Variants in PCDHB4 observed in about 807,000 individuals in gnomAD.
The protein encoded by PCDHB4 is protocadherin beta-4.
For missense variants in PCDHB4, 1,063 were observed against 1,007.0 expected (o/e 1.06, Z -0.75); for synonymous variants, 482 against 447.3 (o/e 1.08, Z -0.98).
Position 141,123,553 on chromosome 5 carries a change from G to C in PCDHB4, c.1555G>C (p.Asp519His). 1.2e-6 allele frequency: 2 copies of C among 1,613,060 alleles called. No homozygotes were observed. The highest frequency in any genetic ancestry group is 1.7e-6 in the Non-Finnish European group (2 of 1,179,910). Residue 519 changes from aspartate (D) to histidine (H), a missense_variant, in exon 1 of 1, where the codon GAC becomes CAC. Transcript: ENST00000194152. ...NGHLFALRSL[D>H]YEALQAFEFR... ...CCACCTGTTCGCCCTCAGGTCGCTG[G>C]ACTACGAGGCCCTGCAGGCGTTCGA...
In PCDHB4 at chr5:141,123,763, G is replaced by A. The variant is rs1390342500; in HGVS notation, c.1765G>A (p.Val589Met). ...AEPGYLVTKV[V>M]AVDGDSGQNA... Reference sequence around the variant, plus strand: ...GCCGGGCTACCTGGTGACCAAGGTGGTGGCGGTGGACGGCGACTCGGGCCA... The same window carrying A: ...GCCGGGCTACCTGGTGACCAAGGTGATGGCGGTGGACGGCGACTCGGGCCA... The change falls in exon 1 of 1, where the codon GTG becomes ATG. Residue 589 changes from valine to methionine, a missense_variant. Transcript: ENST00000194152. The A allele has an allele frequency of 8.7e-6, 14 of 1,610,328 alleles. No individual in the cohort carries two copies. In the Admixed American group the frequency reaches 1.3e-4, roughly 15 times the overall value.
Position 141,123,061 on chromosome 5 carries a change from A to C in PCDHB4, c.1063A>C (p.Ile355Leu). The C allele has an allele frequency of 6.2e-7, 1 of 1,613,754 alleles. No individual in the cohort carries two copies. The highest frequency in any genetic ancestry group is 2.2e-5 in the East Asian group (1 of 44,872). The stretch of plus-strand genomic sequence containing the variant: ...TATCATATCTTCACTCACCAGCTCC[A>C]TCCCAGAAAATGCTCCTGAGACGGT... ...ELIISSLTSS[I>L]PENAPETVVS... Residue 355 changes from isoleucine (I) to leucine (L), a missense_variant, in exon 1 of 1, where the codon ATC (isoleucine) becomes CTC (leucine). By Grantham distance (5) the Ile-to-Leu change is conservative (BLOSUM62 2). Coordinates refer to ENST00000194152, the MANE Select transcript of PCDHB4 (RefSeq NM_018938.4).
chr5:141,123,418 G>A lies in PCDHB4; in HGVS notation c.1420G>A (p.Ala474Thr), dbSNP rs143503359. 1 of 1,613,244 alleles carries A rather than the reference G, an allele frequency of 6.2e-7. No individual in the cohort carries two copies. Among genetic ancestry groups the A allele is most frequent in the African/African-American group, 1.3e-5 (1 of 75,002 alleles). ...CGCCCTGCACATCGGCAGTGTCAGCGCCACAGACAGAGACTCGGGCACCAA... is the reference window on the plus strand; with the variant it reads ...CGCCCTGCACATCGGCAGTGTCAGCACCACAGACAGAGACTCGGGCACCAA... ...SPALHIGSVS[A>T]TDRDSGTNAQ... Residue 474 changes from alanine (A) to threonine (T), a missense_variant, in exon 1 of 1, where the codon GCC becomes ACC. Coordinates refer to ENST00000194152, the MANE Select transcript of PCDHB4 (RefSeq NM_018938.4).
chr5:141,123,418 G>T lies in PCDHB4; in HGVS notation c.1420G>T (p.Ala474Ser), dbSNP rs143503359. The change falls in exon 1 of 1, where the codon GCC becomes TCC. Residue 474 changes from alanine to serine, a missense_variant. Physicochemically the swap from Ala to Ser is moderately conservative, Grantham distance 99. Transcript: ENST00000194152. ...CGCCCTGCACATCGGCAGTGTCAGCGCCACAGACAGAGACTCGGGCACCAA... is the reference window on the plus strand; with the variant it reads ...CGCCCTGCACATCGGCAGTGTCAGCTCCACAGACAGAGACTCGGGCACCAA... ...SPALHIGSVS[A>S]TDRDSGTNAQ... The T allele has an allele frequency of 3.2e-5, 51 of 1,613,126 alleles. No individual in the cohort carries two copies. The highest frequency in any genetic ancestry group is 4.2e-5 in the Non-Finnish European group (50 of 1,180,036).
Position 141,122,440 on chromosome 5 carries a change from G to A in PCDHB4, c.442G>A (p.Gly148Ser). The A allele has an allele frequency of 3.1e-6, 5 of 1,614,210 alleles. No homozygotes were observed. Among genetic ancestry groups the A allele is most frequent in the Non-Finnish European group, 4.2e-6 (5 of 1,180,036 alleles). ...GAAAATACTAGAAAATAGCCAGCCG[G>A]GTACTCTATTTCCGTTGCTAATAGC... ...LLKILENSQP[G>S]TLFPLLIAED... is the part of the protein sequence containing the mutation. The change falls in exon 1 of 1, where the codon GGT (glycine) becomes AGT (serine). Residue 148 changes from glycine to serine, a missense_variant. Coordinates refer to ENST00000194152, the MANE Select transcript of PCDHB4 (RefSeq NM_018938.4).
rs246669 is a variant in PCDHB4 at position 141,123,655 on chromosome 5, A to G, written c.1657A>G (p.Thr553Ala). 0.25 allele frequency: 394,778 copies of G among 1,609,884 alleles called. 49,466 individuals carry two copies. The highest frequency in any genetic ancestry group is 0.33 in the Middle Eastern group (1,464 of 4,472). The change falls in exon 1 of 1, where the codon ACC becomes GCC. Residue 553 changes from threonine to alanine, a missense_variant. By Grantham distance (58) the Thr-to-Ala change is moderately conservative. Coordinates refer to ENST00000194152, the MANE Select transcript of PCDHB4 (RefSeq NM_018938.4). ...GCTGGTGCGCGTGCTGGTGCTGGACACCAACGACAACTCGCCCTTCGTGCT... is the reference window on the plus strand; with the variant it reads ...GCTGGTGCGCGTGCTGGTGCTGGACGCCAACGACAACTCGCCCTTCGTGCT... ...EALVRVLVLD[T>A]NDNSPFVLYP... is the part of the protein sequence containing the mutation.
rs181883760 is a variant in PCDHB4 at position 141,123,831 on chromosome 5, T to C, written c.1833T>C (p.Pro611=). 1.8e-3 allele frequency: 2,964 copies of C among 1,608,774 alleles called. 45 individuals are homozygous for C. In the African/African-American group the frequency reaches 0.032, roughly 17 times the overall value. Residue 611 remains proline, a synonymous_variant, in exon 1 of 1, where the codon CCT becomes CCC. Coordinates refer to ENST00000194152, the MANE Select transcript of PCDHB4 (RefSeq NM_018938.4). ...LSYQLLKATE[P]GLFGVWAHNG... ...ACCAGCTGCTCAAGGCCACGGAGCC[T>C]GGGCTGTTCGGCGTGTGGGCGCACA...
At position 141,124,482 on chromosome 5, in the gene PCDHB4, C is replaced by G; in HGVS notation, c.*96C>G. The stretch of plus-strand genomic sequence containing the variant: ...AAAATTGTCTACTTATCTAAATATT[C>G]ATACCACAATTTCAAACCTACTCAT... On this transcript the variant is annotated 3_prime_UTR_variant, in exon 1 of 1. Coordinates refer to ENST00000194152, the MANE Select transcript of PCDHB4 (RefSeq NM_018938.4). 9.2e-7 allele frequency: 1 copy of G among 1,082,326 alleles called. No homozygotes were observed. The highest frequency in any genetic ancestry group is 1.3e-6 in the Non-Finnish European group (1 of 765,232). 67.0% of individuals were successfully genotyped at this position (1,082,326 alleles called of 1,614,324 possible). A position where few individuals can be genotyped will look rare whatever the true frequency, so the allele number is the denominator to read the frequency against.
chr5:141,122,846 C>A lies in PCDHB4; in HGVS notation c.848C>A (p.Ala283Glu). 1 of 1,613,714 alleles carries A rather than the reference C, an allele frequency of 6.2e-7. No homozygotes were observed. Among genetic ancestry groups the A allele is most frequent in the African/African-American group, 1.3e-5 (1 of 74,960 alleles). ...AGTGTTTCTTATGGCTTATTCCAAGCATCAGATGAAATTAAACAAACTTTC... is the reference window on the plus strand; with the variant it reads ...AGTGTTTCTTATGGCTTATTCCAAGAATCAGATGAAATTAAACAAACTTTC... ...FGSVSYGLFQASDEIKQTFSI... is the reference protein window; with the variant it reads ...FGSVSYGLFQESDEIKQTFSI... Residue 283 changes from alanine (A) to glutamate (E), a missense_variant, in exon 1 of 1, where the codon GCA becomes GAA. Transcript: ENST00000194152.
At position 141,123,321 on chromosome 5, in the gene PCDHB4, C is replaced by T. The variant is rs782466652; in HGVS notation, c.1323C>T (p.Ser441=). 4 of 1,614,124 alleles carry T rather than the reference C, an allele frequency of 2.5e-6. No individual in the cohort carries two copies. The South Asian group carries it at 3.3e-5, about 13-fold the overall frequency. Residue 441 remains serine (S), a synonymous_variant, in exon 1 of 1, where the codon TCC becomes TCT. Coordinates refer to ENST00000194152, the MANE Select transcript of PCDHB4 (RefSeq NM_018938.4). ...AGCAGAACATAACCGTGCAGGTCTC[C>T]GACGTCAATGACAACGCCCCCGCCT... ...KTQQNITVQV[S]DVNDNAPAFT...
Position 141,122,833 on chromosome 5 carries a change from G to A in PCDHB4, c.835G>A (p.Gly279Ser), listed in dbSNP as rs782339767. The A allele has an allele frequency of 1.2e-6, 2 of 1,613,900 alleles. No homozygotes were observed. The highest frequency in any genetic ancestry group is 2.2e-5 in the South Asian group (2 of 91,064). ...TGGAAACTTCGGGAGTGTTTCTTAT[G>A]GCTTATTCCAAGCATCAGATGAAAT... Reference protein sequence around the residue: ...DAGNFGSVSYGLFQASDEIKQ... With the variant: ...DAGNFGSVSYSLFQASDEIKQ... Residue 279 changes from glycine to serine, a missense_variant, in exon 1 of 1, where the codon GGC becomes AGC. By Grantham distance (56) the Gly-to-Ser change is moderately conservative. Coordinates refer to ENST00000194152, the MANE Select transcript of PCDHB4 (RefSeq NM_018938.4).
Position 141,123,378 on chromosome 5 carries a change from C to G in PCDHB4, c.1380C>G (p.Arg460=), listed in dbSNP as rs372949962. ...FTQTSYTLFV[R]ENNSPALHIG... is the part of the protein sequence containing the mutation. ...AAACCTCCTACACCCTGTTCGTCCG[C>G]GAGAACAACAGCCCCGCCCTGCACA... is the stretch of plus-strand genomic sequence containing the variant. The change falls in exon 1 of 1, where the codon CGC becomes CGG. Residue 460 remains arginine (R), a synonymous_variant. Transcript: ENST00000194152. 2.4e-5 allele frequency: 38 copies of G among 1,612,380 alleles called. No homozygotes were observed. The Admixed American group carries it at 4.2e-4, about 18-fold the overall frequency.
chr5:141,123,621 C>G lies in PCDHB4; in HGVS notation c.1623C>G (p.Ser541Arg). ...GASDRGSPAL[S>R]SEALVRVLVL... ...CAGACCGCGGTTCTCCGGCTTTGAG[C>G]AGCGAGGCGCTGGTGCGCGTGCTGG... is the stretch of plus-strand genomic sequence containing the variant. Residue 541 changes from serine (S) to arginine (R), a missense_variant, in exon 1 of 1, where the codon AGC becomes AGG. Physicochemically the swap from Ser to Arg is moderately radical, Grantham distance 110. Transcript: ENST00000194152. The G allele has an allele frequency of 6.2e-7, 1 of 1,612,052 alleles. No homozygotes were observed. The highest frequency in any genetic ancestry group is 8.5e-7 in the Non-Finnish European group (1 of 1,179,780).
Position 141,124,865 on chromosome 5 carries a change from C to G in PCDHB4, c.*479C>G, listed in dbSNP as rs146020036. On this transcript the variant is annotated 3_prime_UTR_variant, in exon 1 of 1. Coordinates refer to ENST00000194152, the MANE Select transcript of PCDHB4 (RefSeq NM_018938.4). ...CTGGTTGACTATACTAGGCTAAGCC[C>G]TCTTAATAGCCATGAGTGTAAAATT... 4 of 152,640 alleles carry G rather than the reference C, an allele frequency of 2.6e-5. No homozygotes were observed. Among genetic ancestry groups the G allele is most frequent in the African/African-American group, 9.6e-5 (4 of 41,550 alleles). The allele number at this position is 152,640 out of a possible 1,614,324, so 9.5% of individuals were successfully genotyped here. A position where few individuals can be genotyped will look rare whatever the true frequency, so the allele number is the denominator to read the frequency against.
Position 141,122,058 on chromosome 5 carries a change from G to A in PCDHB4, c.60G>A (p.Val20=), listed in dbSNP as rs1327540816. 1 of 1,613,940 alleles carries A rather than the reference G, an allele frequency of 6.2e-7. No individual in the cohort carries two copies. The highest frequency in any genetic ancestry group is 8.5e-7 in the Non-Finnish European group (1 of 1,179,958). The part of the protein sequence containing the change: ...NRQVLAFILM[V]FLSQVRLEPI... ...AAGTGTTGGCCTTTATTTTGATGGT[G>A]TTCTTGTCTCAGGTTCGCCTCGAGC... Residue 20 remains valine (V), a synonymous_variant, in exon 1 of 1, where the codon GTG becomes GTA. Transcript: ENST00000194152.
rs782185496 is a variant in PCDHB4, at chr5:141,122,248, C to T, written c.250C>T (p.Leu84Phe). The T allele has an allele frequency of 7.8e-5, 126 of 1,613,960 alleles. No individual in the cohort carries two copies. The highest frequency in any genetic ancestry group is 1.0e-4 in the Non-Finnish European group (123 of 1,180,048). ...LQLDRQTGDL[L>F]LREKLDREEL... is the part of the protein sequence containing the mutation. ...GCTGGATCGTCAGACTGGAGATTTG[C>T]TTCTGAGGGAGAAACTAGACCGGGA... The change falls in exon 1 of 1, where the codon CTT becomes TTT. Residue 84 changes from leucine to phenylalanine, a missense_variant. Physicochemically the swap from Leu to Phe is conservative, Grantham distance 22. Transcript: ENST00000194152.
In PCDHB4 at chr5:141,122,820, G is replaced by A. The variant is rs373873040; in HGVS notation, c.822G>A (p.Gly274=). 42 of 1,613,942 alleles carry A rather than the reference G, an allele frequency of 2.6e-5. No individual in the cohort carries two copies. In the African/African-American group the frequency reaches 4.8e-4, roughly 18 times the overall value. ...LARDIDAGNF[G]SVSYGLFQAS... ...GAGATATAGATGCTGGAAACTTCGG[G>A]AGTGTTTCTTATGGCTTATTCCAAG... is the stretch of plus-strand genomic sequence containing the variant. Residue 274 remains glycine (G), a synonymous_variant, in exon 1 of 1, where the codon GGG becomes GGA. Coordinates refer to ENST00000194152, the MANE Select transcript of PCDHB4 (RefSeq NM_018938.4).
rs61745069 is a variant in PCDHB4, at chr5:141,123,158, A to C, written c.1160A>C (p.Asn387Thr). ...AAGATGATTTGCTCTATTCCAGATA[A>C]TCTACCGTTTATTCTAAAACCAACT... ...NGKMICSIPD[N>T]LPFILKPTLK... is the part of the protein sequence containing the mutation. Residue 387 changes from asparagine to threonine, a missense_variant, in exon 1 of 1, where the codon AAT (asparagine) becomes ACT (threonine). Physicochemically the swap from Asn to Thr is moderately conservative, Grantham distance 65. Transcript: ENST00000194152. 3.3e-4 allele frequency: 531 copies of C among 1,614,150 alleles called. 2 individuals are homozygous for C. In the African/African-American group the frequency reaches 6.0e-3, roughly 18 times the overall value.
Position 141,122,023 on chromosome 5 carries a change from C to T in PCDHB4, c.25C>T (p.Pro9Ser), listed in dbSNP as rs1752292566. ...CATGAAGAAGCTAGGGAGAATTCAT[C>T]CAAACAGGCAAGTGTTGGCCTTTAT... MKKLGRIH[P>S]NRQVLAFILM... Residue 9 changes from proline (P) to serine (S), a missense_variant, in exon 1 of 1, where the codon CCA (proline) becomes TCA (serine). By Grantham distance (74) the Pro-to-Ser change is moderately conservative. Transcript: ENST00000194152. 2.5e-6 allele frequency: 4 copies of T among 1,603,382 alleles called. No individual in the cohort carries two copies. The East Asian group carries it at 6.7e-5, about 27-fold the overall frequency.
Sources: allele counts gnomAD v4.1 joint callset, GRCh38; gene constraint gnomAD v4.1.1; transcripts MANE v1.5; gene names NCBI Gene and HGNC (gene_info 2026-07-23, HGNC 2026-07-21).